LINGO2: variants seen among roughly 807,000 people sequenced by gnomAD.
LINGO2 encodes leucine rich repeat and Ig domain containing 2.
LINGO2 carries 14 observed loss-of-function variants against 30.6 expected under a neutral mutation model. The observed-to-expected ratio is 0.46, with a 90% confidence interval of 0.30 to 0.72. The LOEUF (loss-of-function observed/expected upper bound fraction) is 0.72. Among genes scored for constraint, LINGO2 ranks in the 30% least tolerant of loss-of-function variants. The pLI is 0.07. For synonymous variants in LINGO2, 317 were observed against 288.5 expected (o/e 1.10, Z -1.00); for missense variants, 729 against 751.7 (o/e 0.97, Z 0.35).
chr9:28,047,940 T>A (rs1383783273), intron 4 of LINGO2, among the ~76,000 whole-genome samples: 2 of 150,794 alleles, frequency 1.3e-5, no homozygotes, highest in Non-Finnish European at 2.9e-5. Flanking sequence ...AGCAATGTGA[T>A]TTTTTAGAAT....
At chr9:29,023,869 G>A in the LINGO2 span, among the ~76,000 whole-genome samples, 1 of 152,022 alleles carries the variant, frequency 6.6e-6, no homozygotes, top group African/African-American at 2.4e-5. Context: ...TATTAAGAAA[G>A]CTGCTTGGAT....
chr9:28,043,772 C>A (rs573453612), intron 4 of LINGO2, among the ~76,000 whole-genome samples: 67 of 152,266 alleles, frequency 4.4e-4, no homozygotes, highest in Admixed American at 3.3e-4. Context: ...CCTGGCATGA[C>A]TAATTTCATC....
At chr9:29,062,533 G>A in the LINGO2 span, among the ~76,000 whole-genome samples, 1 of 152,048 alleles carries the variant, frequency 6.6e-6, no homozygotes, top group African/African-American at 2.4e-5. Context: ...CCTGACATGT[G>A]GCAACAGGAT....
At chr9:28,233,623 T>A (rs1821452616) in intron 4 of LINGO2, among the ~76,000 whole-genome samples, 1 of 152,226 alleles carries the variant, frequency 6.6e-6, no homozygotes, top group Non-Finnish European at 1.5e-5. Context: ...TGTTAGGGTT[T>A]GCACCATCTC....
At chr9:29,168,693 A>C in the LINGO2 span, among the ~76,000 whole-genome samples, 1 of 152,180 alleles carries the variant, frequency 6.6e-6, no homozygotes, top group Non-Finnish European at 1.5e-5. Context: ...ACAAAAGCAA[A>C]TATGTAAGGG....
chr9:28,665,645 A>G (rs1828772023), intron 1 of LINGO2, among the ~76,000 whole-genome samples: 1 of 152,206 alleles, frequency 6.6e-6, no homozygotes, highest in Non-Finnish European at 1.5e-5. Context: ...GTGTAAGTTG[A>G]TAGCATTGAT....
chr9:28,991,686 C>A, the LINGO2 span, among the ~76,000 whole-genome samples: 2 of 151,034 alleles, frequency 1.3e-5, no homozygotes, highest in African/African-American at 2.4e-5. Flanking sequence ...ACTCTACAAG[C>A]CAGAAGAGAG....
the LINGO2 span, among the ~76,000 whole-genome samples, chr9:28,780,713 G>T: frequency 3.3e-5 from 5 of 152,002 alleles, no homozygotes; most frequent in African/African-American, 1.2e-4. Context: ...TTTCTTTCTA[G>T]TTTTACTGTT....
the LINGO2 span, among the ~76,000 whole-genome samples, chr9:29,109,373 G>GA: frequency 1.3e-5 from 2 of 151,896 alleles, no homozygotes; most frequent in Non-Finnish European, 2.9e-5. Flanking sequence ...TTTTATAAAA[G>GA]AAGAAAAAAT....
chr9:29,044,388 C>G, the LINGO2 span, among the ~76,000 whole-genome samples: 6 of 151,686 alleles, frequency 4.0e-5, no homozygotes, highest in Admixed American at 3.9e-4. Context: ...TAGCAATAAC[C>G]ACAGCTCCAC....
rs772910577 is a variant in LINGO2 at position 28,329,983 on chromosome 9, G to A, written c.-245-34617C>T. On this transcript the variant is annotated intron_variant, in intron 3 of 5. Coordinates refer to ENST00000379992, the Ensembl canonical transcript of LINGO2. This position sits in a 1 kb window ranked among gnomAD's most constrained non-coding sequence, Gnocchi z 4.5. ...GAGCTTGCTATTTACTGAATTCTGC[G>A]CCCCTAGTGTTCATCTATTGAAGCC... Among the ~76,000 whole-genome samples the A allele has an allele frequency of 1.4e-4, 22 of 151,794 alleles. No homozygotes were observed. The highest frequency in any genetic ancestry group is 4.2e-4 in the South Asian group (2 of 4,800).
intron 3 of LINGO2, among the ~76,000 whole-genome samples, chr9:28,310,166 G>A (rs1352354718): frequency 1.3e-5 from 2 of 152,062 alleles, no homozygotes; most frequent in African/African-American, 2.4e-5. Context: ...CAAATATATA[G>A]TCCAGCCATT....
chr9:28,440,884 A>C (rs1824162758), intron 2 of LINGO2, among the ~76,000 whole-genome samples: 1 of 152,206 alleles, frequency 6.6e-6, no homozygotes. Context: ...ATATAAAACA[A>C]TTTGAATGAA....
the LINGO2 span, among the ~76,000 whole-genome samples, chr9:28,769,506 ATATATATATATATTTTTTTTTTTTTTTT>A: frequency 6.3e-3 from 18 of 2,872 alleles, 2 homozygotes; most frequent in South Asian, 0.038. Flanking sequence ...ATATATATAT[ATATATATATATATTTTTTTTTTTTTTTT>A]TTTTTTTTTT....
At chr9:28,345,472 G>T (rs754175688) in intron 3 of LINGO2, among the ~76,000 whole-genome samples, 15 of 152,136 alleles carry the variant, frequency 9.9e-5, no homozygotes, top group Admixed American at 2.0e-4. Flanking sequence ...GTAACCTATT[G>T]CAGCTTTATA....
Position 27,996,263 on chromosome 9 carries a change from A to T in LINGO2, c.-36+16092T>A, listed in dbSNP as rs115948428. 4.8e-3 allele frequency among the ~76,000 whole-genome samples: 726 copies of T among 152,302 alleles called. 3 individuals carry two copies. Among genetic ancestry groups the T allele is most frequent in the African/African-American group, 0.016 (665 of 41,582 alleles). On this transcript the variant is annotated intron_variant, in intron 5 of 5. Transcript: ENST00000379992. ...AAAAAAACTAAAATACAACTATCTTATGATCCAAAAATCTCACTGCTGTGT... is the reference window on the plus strand; with the variant it reads ...AAAAAAACTAAAATACAACTATCTTTTGATCCAAAAATCTCACTGCTGTGT...
At chr9:27,970,351 A>T (rs1483609556) in intron 5 of LINGO2, among the ~76,000 whole-genome samples, 1 of 152,180 alleles carries the variant, frequency 6.6e-6, no homozygotes, top group Non-Finnish European at 1.5e-5. Flanking sequence ...CTTGTCTCAG[A>T]TATTGCTCTG....
At chr9:28,013,360 T>A (rs1037138054) in intron 4 of LINGO2, among the ~76,000 whole-genome samples, 1 of 152,148 alleles carries the variant, frequency 6.6e-6, no homozygotes, top group Non-Finnish European at 1.5e-5. Flanking sequence ...ATAGGAATAG[T>A]GTGAGAAAGA....
chr9:28,978,271 A>C, the LINGO2 span, among the ~76,000 whole-genome samples: 1 of 152,178 alleles, frequency 6.6e-6, no homozygotes, highest in Non-Finnish European at 1.5e-5. Context: ...TTGGCAGCCC[A>C]CATTAATTTT....
Sources: allele counts gnomAD v4.1 joint callset (sites outside exome capture counted in the v4.1 genomes callset), GRCh38; gene constraint gnomAD v4.1.1; non-coding constraint Gnocchi (gnomAD v3.1); transcripts MANE v1.5; gene names NCBI Gene and HGNC (gene_info 2026-07-23, HGNC 2026-07-21).